LRP1B: variants seen among roughly 807,000 people sequenced by gnomAD.
The protein encoded by LRP1B is LDL receptor related protein 1B.
A neutral mutation model predicts 556.6 loss-of-function variants in LRP1B; 217 were observed. The ratio of observed to expected loss-of-function variants is 0.39; its 90% CI spans 0.35 to 0.44. The LOEUF is 0.44. Ranked by LOEUF, LRP1B falls within the 20% of genes least tolerant of loss-of-function variation. LRP1B has a pLI of 1.00. For synonymous variants in LRP1B, 2,047 were observed against 1,865.8 expected, an observed-to-expected ratio of 1.10 and a Z score of -2.50; for missense variants, 5,053 against 5,620.8, an observed-to-expected ratio of 0.90 and a Z score of 3.23.
chr2:140,740,654 T>C (rs6750458), intron 35 of LRP1B, among the ~76,000 whole-genome samples: 3,241 of 146,710 alleles, frequency 0.022, 96 homozygotes, highest in African/African-American at 0.073. Flanking sequence ...CCAAAACCTA[T>C]GGAAAAAGAA....
chr2:140,599,178 A>G (rs550981024), intron 42 of LRP1B, among the ~76,000 whole-genome samples: 1 of 152,236 alleles, frequency 6.6e-6, no homozygotes, highest in African/African-American at 2.4e-5. Context: ...AACTGCAAAT[A>G]TACCCTAACT....
At chr2:142,072,904 T>C (rs1424507963) in intron 1 of LRP1B, among the ~76,000 whole-genome samples, 1 of 152,050 alleles carries the variant, frequency 6.6e-6, no homozygotes, top group Non-Finnish European at 1.5e-5. Context: ...AAACAAAATC[T>C]CTATGCCTGT....
At chr2:141,683,970 G>A (rs1383065061) in intron 2 of LRP1B, among the ~76,000 whole-genome samples, 1 of 151,912 alleles carries the variant, frequency 6.6e-6, no homozygotes, top group Non-Finnish European at 1.5e-5. Context: ...TGGAGAAATA[G>A]GAACACTTTT....
chr2:141,420,183 T>G (rs1680087108), intron 3 of LRP1B, among the ~76,000 whole-genome samples: 1 of 152,196 alleles, frequency 6.6e-6, no homozygotes, highest in Non-Finnish European at 1.5e-5. Context: ...AATATTTGGG[T>G]GCTCTGATGT....
chr2:140,722,826 G>A (rs775606796), intron 35 of LRP1B, among the ~76,000 whole-genome samples: 6 of 152,132 alleles, frequency 3.9e-5, no homozygotes, highest in African/African-American at 1.2e-4. Context: ...GGAGGATCAC[G>A]AGGTCAGGAG....
chr2:140,378,427 C>G (rs1428942372), intron 67 of LRP1B, 141 bp from the exon 68 acceptor site: 5 of 562,446 alleles, frequency 8.9e-6, no homozygotes, highest in Admixed American at 3.5e-5. Flanking sequence ...TAGGAAAAAT[C>G]TCATGAAGCA....
intron 3 of LRP1B, among the ~76,000 whole-genome samples, chr2:141,409,864 C>T (rs1690786754): frequency 6.6e-6 from 1 of 151,880 alleles, no homozygotes; most frequent in African/African-American, 2.4e-5. Context: ...AGGATTAAGC[C>T]ACACAATAAC....
At chr2:141,502,350 G>A (rs1052545740) in intron 2 of LRP1B, among the ~76,000 whole-genome samples, 2 of 152,162 alleles carry the variant, frequency 1.3e-5, no homozygotes, top group African/African-American at 4.8e-5. Flanking sequence ...GAACTAAATG[G>A]TGAAATCCAT....
At chr2:140,755,169 T>C (rs1688705018) in intron 35 of LRP1B, among the ~76,000 whole-genome samples, 1 of 152,050 alleles carries the variant, frequency 6.6e-6, no homozygotes, top group African/African-American at 2.4e-5. Flanking sequence ...GAAATTGAAT[T>C]GTAAATCAAA....
chr2:141,629,001 A>G (rs1688809602), intron 2 of LRP1B, among the ~76,000 whole-genome samples: 1 of 152,102 alleles, frequency 6.6e-6, no homozygotes, highest in East Asian at 1.9e-4. Flanking sequence ...AATTTGTACA[A>G]CCAATCTGTA....
chr2:141,283,846 C>A (rs1021214495), intron 3 of LRP1B, among the ~76,000 whole-genome samples: 2 of 151,596 alleles, frequency 1.3e-5, no homozygotes, highest in East Asian at 3.9e-4. Context: ...AAAAGAATGA[C>A]ACTTGTCATA....
chr2:141,198,142 C>T (rs1409812700), intron 6 of LRP1B, among the ~76,000 whole-genome samples: 1 of 152,094 alleles, frequency 6.6e-6, no homozygotes, highest in East Asian at 1.9e-4. Context: ...AAAATGCCTA[C>T]TGAATAAGAT....
At chr2:140,865,806 T>C (rs1692931928) in intron 27 of LRP1B, among the ~76,000 whole-genome samples, 1 of 152,126 alleles carries the variant, frequency 6.6e-6, no homozygotes, top group African/African-American at 2.4e-5. Flanking sequence ...GGAAAAATCA[T>C]ATATAAATCA....
chr2:140,763,344 A>T (rs536650222), intron 35 of LRP1B, among the ~76,000 whole-genome samples: 22 of 152,184 alleles, frequency 1.4e-4, no homozygotes, highest in Admixed American at 7.9e-4. Context: ...ACTGAGGAGA[A>T]GCCTCAGTAG....
At chr2:140,927,749 C>T (rs1192838133) in intron 20 of LRP1B, among the ~76,000 whole-genome samples, 1 of 139,902 alleles carries the variant, frequency 7.1e-6, no homozygotes, top group Non-Finnish European at 1.5e-5. Flanking sequence ...ACTTGTTGTC[C>T]AGGCTGGAGT....
intron 2 of LRP1B, among the ~76,000 whole-genome samples, chr2:141,620,995 G>A (rs955136536): frequency 6.6e-6 from 1 of 151,910 alleles, no homozygotes; most frequent in Admixed American, 6.6e-5. Context: ...CTAAGGCTAT[G>A]TATTCCCAGG....
intron 3 of LRP1B, among the ~76,000 whole-genome samples, chr2:141,298,496 C>A (rs528341954): frequency 2.0e-5 from 3 of 152,098 alleles, no homozygotes; most frequent in African/African-American, 7.2e-5. Context: ...TAAGCTCAGG[C>A]GAGCTTCCTT....
At chr2:140,379,606 A>T (rs1049089602) in intron 67 of LRP1B, among the ~76,000 whole-genome samples, 2 of 152,114 alleles carry the variant, frequency 1.3e-5, no homozygotes, top group African/African-American at 4.8e-5. Flanking sequence ...GAGGTGGGAT[A>T]ATTACTTGAA....
At position 140,450,599 on chromosome 2, in the gene LRP1B, AC is replaced by A; in HGVS notation, c.10025del (p.Cys3342LeufsTer71). ...FWWKCDTVDD[C>X]GDGSDEPDDC... ...CATCAGGTTCATCAGATCCATCACC[AC>A]AGTCATCCACGGTGTCACATTTCCA... On this transcript the variant is annotated frameshift_variant, in exon 63 of 91. Coordinates refer to ENST00000389484, the MANE Select transcript of LRP1B (RefSeq NM_018557.3). LOFTEE classifies it high-confidence loss of function. 1 of 1,612,964 alleles carries A rather than the reference AC, an allele frequency of 6.2e-7. No homozygotes were observed. Among genetic ancestry groups the A allele is most frequent in the Non-Finnish European group, 8.5e-7 (1 of 1,179,258 alleles).
Sources: gnomAD v4.1 joint callset for allele counts (sites outside exome capture counted in the v4.1 genomes callset) on GRCh38, gnomAD v4.1.1 for gene constraint, MANE v1.5 for transcripts, NCBI Gene and HGNC (gene_info 2026-07-23, HGNC 2026-07-21) for gene names.